LINGO2: variants seen among roughly 807,000 people sequenced by gnomAD.
LINGO2 encodes the protein leucine-rich repeat and immunoglobulin-like domain-containing nogo receptor-interacting protein 2.
In LINGO2, 14 loss-of-function variants were observed where a neutral mutation model predicts 30.6. The observed-to-expected ratio is 0.46, with a 90% CI of 0.30 to 0.72. The LOEUF (loss-of-function observed/expected upper bound fraction) is 0.72. LINGO2 is among the 30% of genes least tolerant of loss of function. The pLI is 0.07. For synonymous variants in LINGO2, 317 were observed against 288.5 expected (o/e 1.10, Z -1.00); for missense variants, 729 against 751.7 (o/e 0.97, Z 0.35).
At chr9:28,088,073 C>T (rs1267903401) in intron 4 of LINGO2, among the ~76,000 whole-genome samples, 3 of 151,946 alleles carry the variant, frequency 2.0e-5, no homozygotes, top group Admixed American at 1.3e-4. Flanking sequence ...GTGGCTCTGC[C>T]ATTAACTAAT....
chr9:28,348,116 T>C (rs1168333318), intron 3 of LINGO2, among the ~76,000 whole-genome samples: 3 of 152,106 alleles, frequency 2.0e-5, no homozygotes, highest in Admixed American at 6.5e-5. Context: ...AATATTTTCA[T>C]GACAAAAATG....
the LINGO2 span, among the ~76,000 whole-genome samples, chr9:28,770,604 T>A: frequency 1.3e-5 from 2 of 152,210 alleles, no homozygotes; most frequent in South Asian, 4.1e-4. Context: ...TTGGCTTACA[T>A]TACGTGCTGG....
At chr9:28,473,137 G>C (rs1825592308) in intron 2 of LINGO2, among the ~76,000 whole-genome samples, 1 of 151,788 alleles carries the variant, frequency 6.6e-6, no homozygotes, top group South Asian at 2.1e-4. Context: ...AAAATCTATT[G>C]AAGTGTAGGG....
the LINGO2 span, among the ~76,000 whole-genome samples, chr9:28,973,373 T>C: frequency 2.0e-5 from 3 of 152,010 alleles, no homozygotes; most frequent in African/African-American, 4.8e-5. Context: ...CAGGAGAGAG[T>C]GGTGATATGA....
At chr9:28,425,756 C>G (rs971714117) in intron 2 of LINGO2, among the ~76,000 whole-genome samples, 11 of 152,216 alleles carry the variant, frequency 7.2e-5, no homozygotes, top group African/African-American at 1.7e-4. Flanking sequence ...TCTTCATACT[C>G]ATTGCACCAG....
intron 2 of LINGO2, among the ~76,000 whole-genome samples, chr9:28,463,264 A>G (rs901937548): frequency 7.9e-5 from 12 of 152,066 alleles, no homozygotes; most frequent in African/African-American, 2.7e-4. Context: ...CATTACTTTC[A>G]ATTTAGTGTG....
At chr9:28,863,533 T>C in the LINGO2 span, 1 of 460,008 alleles carries the variant, frequency 2.2e-6, no homozygotes, top group Non-Finnish European at 4.6e-6. Context: ...ATCTCTTGAC[T>C]TTGTGTGTCT....
the LINGO2 span, among the ~76,000 whole-genome samples, chr9:28,965,033 A>T: frequency 3.3e-5 from 5 of 151,944 alleles, no homozygotes; most frequent in Non-Finnish European, 7.4e-5. Flanking sequence ...TATTAATCTT[A>T]TATTAATTTT....
the LINGO2 span, among the ~76,000 whole-genome samples, chr9:29,032,005 C>T: frequency 1.3e-5 from 2 of 152,042 alleles, no homozygotes; most frequent in Admixed American, 6.6e-5. Flanking sequence ...CTTTCCTAGA[C>T]AAAGTTTGTA....
At chr9:28,847,426 G>A in the LINGO2 span, among the ~76,000 whole-genome samples, 14 of 146,610 alleles carry the variant, frequency 9.5e-5, 1 homozygote, top group East Asian at 4.0e-4. Context: ...TTTATGGCAC[G>A]TCATTTCATT....
chr9:29,126,714 T>C, the LINGO2 span, among the ~76,000 whole-genome samples: 3 of 151,990 alleles, frequency 2.0e-5, no homozygotes, highest in Non-Finnish European at 2.9e-5. Context: ...ACTTCGCAAT[T>C]ATGTAAAGTG....
chr9:28,033,767 G>T (rs1034881176), intron 4 of LINGO2, among the ~76,000 whole-genome samples: 2 of 152,168 alleles, frequency 1.3e-5, no homozygotes. Flanking sequence ...AGGATAATCT[G>T]CTAAATTCGT....
chr9:28,325,082 T>TCCCTCTCCC, intron 3 of LINGO2, among the ~76,000 whole-genome samples: 2 of 151,672 alleles, frequency 1.3e-5, no homozygotes, highest in Middle Eastern at 6.8e-3. Flanking sequence ...CTCCCTCTCC[T>TCCCTCTCCC]CCCTCTCCCC....
chr9:28,529,221 T>A (rs1209808015), intron 1 of LINGO2, among the ~76,000 whole-genome samples: 1 of 152,134 alleles, frequency 6.6e-6, no homozygotes, highest in Non-Finnish European at 1.5e-5. Context: ...ATACAATGAA[T>A]GCAAGCCCAT....
At chr9:28,673,599 G>A (rs62550188), upstream of LINGO2, among the ~76,000 whole-genome samples, 9,656 of 151,812 alleles carry the variant, frequency 0.064, 520 homozygotes, top group Admixed American at 0.18. Flanking sequence ...CCCGGGAGGC[G>A]CAAGTTGCAG....
chr9:28,952,569 G>A, the LINGO2 span, among the ~76,000 whole-genome samples: 1,423 of 152,218 alleles, frequency 9.3e-3, 13 homozygotes, highest in Middle Eastern at 0.027. Flanking sequence ...TCTGAGCCTA[G>A]AAACTGCGAG....
chr9:28,117,780 G>A (rs1408153641), intron 4 of LINGO2, among the ~76,000 whole-genome samples: 2 of 150,040 alleles, frequency 1.3e-5, no homozygotes, highest in Non-Finnish European at 3.0e-5. Flanking sequence ...CGCGGACGGT[G>A]CGCACACACA....
intron 4 of LINGO2, among the ~76,000 whole-genome samples, chr9:28,101,222 CT>C (rs1453620310): frequency 6.6e-6 from 1 of 152,038 alleles, no homozygotes; most frequent in Non-Finnish European, 1.5e-5. Flanking sequence ...GCCTATTTCT[CT>C]TTATAGTTAG....
At chr9:29,190,423 A>G in the LINGO2 span, among the ~76,000 whole-genome samples, 1 of 152,192 alleles carries the variant, frequency 6.6e-6, no homozygotes, top group Admixed American at 6.5e-5. Context: ...ATGGATCTCA[A>G]AACATATCCT....
Sources: allele counts gnomAD v4.1 joint callset (sites outside exome capture counted in the v4.1 genomes callset), GRCh38; gene constraint gnomAD v4.1.1; transcripts MANE v1.5; gene names NCBI Gene and HGNC (gene_info 2026-07-23, HGNC 2026-07-21).